NF1: variants seen among roughly 807,000 people sequenced by gnomAD.
NF1 encodes the protein neurofibromin.
NF1 carries 122 observed loss-of-function variants against 325.7 expected under a neutral mutation model. The ratio of observed to expected loss-of-function variants is 0.37; its 90% confidence interval spans 0.32 to 0.44. The LOEUF (loss-of-function observed/expected upper bound fraction) is 0.44. Among genes scored for constraint, NF1 ranks in the 20% least tolerant of loss-of-function variants. The probability of loss-of-function intolerance (pLI) is 1.00; values close to 1 mark genes in which losing one functional copy is unlikely to be tolerated. For missense variants in NF1, 2,140 were observed against 3,415.4 expected, an observed-to-expected ratio of 0.63 and a Z score of 9.31; for synonymous variants, 1,091 against 1,186.0, an observed-to-expected ratio of 0.92 and a Z score of 1.65.
chr17:31,229,274 G>A lies in NF1; in HGVS notation c.2659G>A (p.Ala887Thr), dbSNP rs1251621684. The change falls in exon 21 of 58, where the codon GCA becomes ACA. Residue 887 changes from alanine (A) to threonine (T), a missense_variant. Ala to Thr is a moderately conservative substitution (Grantham distance 58). Around this residue, in one of 10 missense-constraint regions of NF1, gnomAD observed 380 missense variants for 639.3 expected, o/e 0.59. Coordinates refer to ENST00000358273, the MANE Select transcript of NF1 (RefSeq NM_001042492.3). ...TTCAGTGATGTCTTCAGAGGGAAACGCAGATACACCTGTCAGCAAATTTAT... is the reference window on the plus strand; with the variant it reads ...TTCAGTGATGTCTTCAGAGGGAAACACAGATACACCTGTCAGCAAATTTAT... ...MISVMSSEGN[A>T]DTPVSKFMDR... The A allele has an allele frequency of 1.9e-6, 3 of 1,613,508 alleles. No individual in the cohort carries two copies. The highest frequency in any genetic ancestry group is 1.7e-5 in the Admixed American group (1 of 59,998).
At chr17:31,118,372 A>G (rs1036856753) in intron 1 of NF1, among the ~76,000 whole-genome samples, 2 of 151,344 alleles carry the variant, frequency 1.3e-5, no homozygotes, top group Admixed American at 1.3e-4. Flanking sequence ...TACTCGTGCC[A>G]TGGTGGTTTG....
At chr17:31,250,111 A>G in intron 30 of NF1, 1 of 433,186 alleles carries the variant, frequency 2.3e-6, no homozygotes, top group South Asian at 1.9e-5. Flanking sequence ...TCTATCTGTA[A>G]AAAAGCTTTT....
At chr17:31,171,474 A>G (rs1364261419) in intron 5 of NF1, among the ~76,000 whole-genome samples, 2 of 152,200 alleles carry the variant, frequency 1.3e-5, no homozygotes, top group East Asian at 3.8e-4. Flanking sequence ...AAACAAGTCT[A>G]GTCCAGGTTG....
intron 1 of NF1, among the ~76,000 whole-genome samples, chr17:31,102,537 A>G (rs4494610): frequency 0.65 from 97,921 of 151,650 alleles, 32,036 homozygotes; most frequent in Middle Eastern, 0.81. Context: ...GAGGCCTTGA[A>G]TTCAAGACCA....
At chr17:31,097,728 G>A (rs1272506173) in intron 1 of NF1, among the ~76,000 whole-genome samples, 1 of 151,742 alleles carries the variant, frequency 6.6e-6, no homozygotes, top group Non-Finnish European at 1.5e-5. Context: ...ACAAGGTCTT[G>A]CTCTGTCGCC....
chr17:31,294,104 T>C (rs2068409694), intron 36 of NF1, among the ~76,000 whole-genome samples: 1 of 152,198 alleles, frequency 6.6e-6, no homozygotes, highest in South Asian at 2.1e-4. Flanking sequence ...ATGATTTTAT[T>C]CTTAAGCTAA....
At chr17:31,118,537 A>G (rs894219674) in intron 1 of NF1, among the ~76,000 whole-genome samples, 2 of 151,866 alleles carry the variant, frequency 1.3e-5, no homozygotes, top group African/African-American at 2.4e-5. Context: ...GAGAACATGC[A>G]GTGTTTGATT....
chr17:31,220,244 T>C (rs1053310193), intron 14 of NF1, among the ~76,000 whole-genome samples: 11 of 152,190 alleles, frequency 7.2e-5, no homozygotes, highest in African/African-American at 2.4e-4. Flanking sequence ...CTAATGTACA[T>C]ACTGTACAAA....
intron 1 of NF1, among the ~76,000 whole-genome samples, chr17:31,150,136 A>T (rs983952062): frequency 6.6e-5 from 10 of 152,208 alleles, no homozygotes; most frequent in Non-Finnish European, 1.2e-4. Flanking sequence ...TGGATTTCAC[A>T]TATTTTTGGG....
intron 3 of NF1, among the ~76,000 whole-genome samples, chr17:31,160,118 C>T (rs1035951742): frequency 1.3e-5 from 2 of 152,154 alleles, no homozygotes; most frequent in Non-Finnish European, 2.9e-5. Context: ...CAGAGTCTCA[C>T]TCTGCGGCAC....
chr17:31,113,333 A>T (rs1285475201), intron 1 of NF1, among the ~76,000 whole-genome samples: 2 of 151,212 alleles, frequency 1.3e-5, no homozygotes, highest in Non-Finnish European at 2.9e-5. Flanking sequence ...TTCATAGCTC[A>T]CTTCAGCCTT....
At chr17:31,266,249 G>A (rs2034403437) in intron 36 of NF1, among the ~76,000 whole-genome samples, 1 of 152,180 alleles carries the variant, frequency 6.6e-6, no homozygotes. Flanking sequence ...CTGGCCACAG[G>A]TGGCAGTGTG....
chr17:31,156,218 T>A, intron 2 of NF1, 92 bp downstream of exon 2: 1 of 1,419,224 alleles, frequency 7.0e-7, no homozygotes, highest in Non-Finnish European at 9.9e-7. Flanking sequence ...GTATGGAAAG[T>A]GATTTTCTGT....
At chr17:31,132,816 G>A (rs1389648634) in intron 1 of NF1, among the ~76,000 whole-genome samples, 1 of 151,726 alleles carries the variant, frequency 6.6e-6, no homozygotes, top group Admixed American at 6.6e-5. Context: ...ACAGGCGCTC[G>A]CCACCATGCC....
chr17:31,163,441 C>A (rs2065797738), intron 4 of NF1, 65 bp downstream of exon 4: 1 of 1,536,114 alleles, frequency 6.5e-7, no homozygotes, highest in Non-Finnish European at 9.0e-7. Flanking sequence ...TGTTTTTTGT[C>A]TACATAAAAA....
chr17:31,253,156 C>G, intron 31 of NF1, 156 bp downstream of exon 31: 1 of 645,596 alleles, frequency 1.5e-6, no homozygotes, highest in Non-Finnish European at 2.8e-6. Flanking sequence ...TCAATTAACC[C>G]TGGAATTAAG....
rs779074793 is a variant in NF1, at chr17:31,163,365, C to T, written c.468C>T (p.Arg156=). ...SCNNFNAVFS[R]ISTRLQELTV... is the part of the protein sequence containing the mutation. ...ACAACTTCAATGCAGTCTTTAGTCG[C>T]ATTTCTACCAGGTTAGTGTGTAAAT... Residue 156 remains arginine (R), a synonymous_variant, in exon 4 of 58, where the codon CGC becomes CGT. Transcript: ENST00000358273. 4.3e-6 allele frequency: 7 copies of T among 1,614,094 alleles called. No individual in the cohort carries two copies. Among genetic ancestry groups the T allele is most frequent in the East Asian group, 2.2e-5 (1 of 44,880 alleles).
chr17:31,236,192 T>G (rs2067201329), intron 29 of NF1, among the ~76,000 whole-genome samples, 171 bp downstream of exon 29: 1 of 152,212 alleles, frequency 6.6e-6, no homozygotes, highest in African/African-American at 2.4e-5. Flanking sequence ...TCTGTAATTT[T>G]TTTTTAAGGT....
chr17:31,248,220 C>CCCA (rs2067432337), intron 29 of NF1, among the ~76,000 whole-genome samples: 62 of 126,174 alleles, frequency 4.9e-4, no homozygotes, highest in Middle Eastern at 4.0e-3. Flanking sequence ...CACCCCCCAC[C>CCCA]AAAAAAAAAA....
Sources: gnomAD v4.1 joint callset for allele counts (sites outside exome capture counted in the v4.1 genomes callset) on GRCh38, gnomAD v4.1.1 for gene constraint, gnomAD v4.1.1 regional missense constraint, MANE v1.5 for transcripts, NCBI Gene and HGNC (gene_info 2026-07-23, HGNC 2026-07-21) for gene names.